The following NRG1 variants were observed in gnomAD, a reference collection of about 807,000 sequenced individuals.
NRG1 encodes the protein pro-neuregulin-1, membrane-bound isoform.
A neutral mutation model predicts 63.8 loss-of-function variants in NRG1; 18 were observed. The observed-to-expected ratio is 0.28, with a 90% CI of 0.19 to 0.42. The LOEUF (loss-of-function observed/expected upper bound fraction) is 0.42, where lower values mean the gene tolerates loss of function less well. Among genes scored for constraint, NRG1 ranks in the 10% least tolerant of loss-of-function variants. The pLI is 1.00. For missense variants in NRG1, 762 were observed against 814.7 expected (o/e 0.94, Z 0.79); for synonymous variants, 302 against 301.3 (o/e 1.00, Z -0.02).
At chr8:32,687,016 G>C (rs886388707) in intron 5 of NRG1, among the ~76,000 whole-genome samples, 1 of 152,150 alleles carries the variant, frequency 6.6e-6, no homozygotes, top group African/African-American at 2.4e-5. Flanking sequence ...TCATAATCTT[G>C]TTCCTGAATG....
At chr8:31,962,387 A>C (rs1805605299) in intron 1 of NRG1, among the ~76,000 whole-genome samples, 1 of 152,178 alleles carries the variant, frequency 6.6e-6, no homozygotes, top group Non-Finnish European at 1.5e-5. Flanking sequence ...TCTATTTAAT[A>C]ACAGGAGTTA....
At chr8:32,238,637 T>C (rs768663687) in intron 1 of NRG1, among the ~76,000 whole-genome samples, 4 of 152,128 alleles carry the variant, frequency 2.6e-5, no homozygotes, top group Non-Finnish European at 4.4e-5. Flanking sequence ...GATAGGTTGC[T>C]TCTGGGTCTA....
chr8:32,496,589 CAAAAT>C (rs10674633), intron 1 of NRG1, among the ~76,000 whole-genome samples: 1 of 149,536 alleles, frequency 6.7e-6, no homozygotes, highest in East Asian at 2.0e-4. Context: ...GACCCTGTCT[CAAAAT>C]AAAATAAAAT....
chr8:32,311,430 G>A (rs972520280), intron 1 of NRG1, among the ~76,000 whole-genome samples: 3 of 152,096 alleles, frequency 2.0e-5, no homozygotes, highest in Admixed American at 6.5e-5. Context: ...GCAAGAAGGA[G>A]TCTATGAGGA....
chr8:32,132,580 C>G (rs979789228), intron 1 of NRG1, among the ~76,000 whole-genome samples: 3 of 148,938 alleles, frequency 2.0e-5, no homozygotes, highest in Non-Finnish European at 4.6e-5. Context: ...CTTTTTCTTT[C>G]CTATTTGCTA....
chr8:32,638,478 A>G (rs1346651689), intron 5 of NRG1, among the ~76,000 whole-genome samples: 1 of 152,198 alleles, frequency 6.6e-6, no homozygotes, highest in African/African-American at 2.4e-5. Context: ...AAGAAAAGAC[A>G]CAAGTCTATT....
intron 1 of NRG1, among the ~76,000 whole-genome samples, chr8:32,527,978 C>A (rs1831048231): frequency 6.6e-6 from 1 of 152,212 alleles, no homozygotes; most frequent in Non-Finnish European, 1.5e-5. Context: ...TCTTGCCTCC[C>A]CTTGACTGGT....
intron 1 of NRG1, among the ~76,000 whole-genome samples, chr8:31,704,153 A>C (rs1030616780): frequency 1.3e-5 from 2 of 152,358 alleles, no homozygotes; most frequent in South Asian, 4.1e-4. Context: ...AGGTCTAGTC[A>C]GATGGTCAGA....
intron 1 of NRG1, among the ~76,000 whole-genome samples, chr8:32,022,711 A>G (rs1816645182): frequency 6.6e-6 from 1 of 152,202 alleles, no homozygotes; most frequent in Non-Finnish European, 1.5e-5. Context: ...TTAGATAAAA[A>G]ATAATTGTAG....
intron 1 of NRG1, among the ~76,000 whole-genome samples, chr8:32,231,279 A>G (rs545798245): frequency 6.6e-6 from 1 of 152,246 alleles, no homozygotes; most frequent in Admixed American, 6.5e-5. Flanking sequence ...AAATTTATCA[A>G]ATTTGTGTGC....
intron 1 of NRG1, among the ~76,000 whole-genome samples, chr8:32,412,518 G>A (rs921559196): frequency 2.1e-5 from 3 of 139,918 alleles, no homozygotes; most frequent in Non-Finnish European, 3.1e-5. Flanking sequence ...GGAGAACCCT[G>A]ACTAATATAC....
At chr8:31,685,380 C>T (rs1288620832) in intron 1 of NRG1, among the ~76,000 whole-genome samples, 2 of 152,088 alleles carry the variant, frequency 1.3e-5, no homozygotes, top group Non-Finnish European at 2.9e-5. Context: ...AATGAAACGA[C>T]ATTTGGGGAC....
At chr8:32,322,897 A>C (rs1376378331) in intron 1 of NRG1, among the ~76,000 whole-genome samples, 2 of 150,008 alleles carry the variant, frequency 1.3e-5, no homozygotes, top group African/African-American at 4.9e-5. Context: ...AAAGCGGATT[A>C]ATATATACTC....
intron 9 of NRG1, among the ~76,000 whole-genome samples, chr8:32,757,419 A>G (rs887829455): frequency 6.6e-6 from 1 of 152,088 alleles, no homozygotes; most frequent in African/African-American, 2.4e-5. Flanking sequence ...ACCATTTTCT[A>G]TCCTATAGAA....
At chr8:31,791,488 C>T (rs868847325) in intron 1 of NRG1, among the ~76,000 whole-genome samples, 4 of 152,150 alleles carry the variant, frequency 2.6e-5, no homozygotes, top group African/African-American at 7.2e-5. Flanking sequence ...TCAAGATAAA[C>T]GTTCAATATT....
At chr8:32,356,070 A>T (rs939752249) in intron 1 of NRG1, among the ~76,000 whole-genome samples, 1 of 152,146 alleles carries the variant, frequency 6.6e-6, no homozygotes, top group Non-Finnish European at 1.5e-5. Context: ...ACTCACCAGG[A>T]GGACAGAGGA....
At chr8:31,878,612 G>T (rs1045123344) in intron 1 of NRG1, among the ~76,000 whole-genome samples, 4 of 152,208 alleles carry the variant, frequency 2.6e-5, no homozygotes, top group African/African-American at 9.6e-5. Flanking sequence ...AGGAGTCTGA[G>T]TATGGTTTAG....
intron 1 of NRG1, among the ~76,000 whole-genome samples, chr8:31,966,327 T>G (rs78540566): frequency 0.018 from 2,785 of 152,308 alleles, 80 homozygotes; most frequent in African/African-American, 0.061. Flanking sequence ...AGACTTGCTT[T>G]TGCATTCTGG....
At chr8:31,887,267 G>C (rs1388882609) in intron 1 of NRG1, among the ~76,000 whole-genome samples, 1 of 152,042 alleles carries the variant, frequency 6.6e-6, no homozygotes. Context: ...ACATACATAA[G>C]AGAAAAGGCA....
Sources: allele counts gnomAD v4.1 joint callset (sites outside exome capture counted in the v4.1 genomes callset), GRCh38; gene constraint gnomAD v4.1.1; transcripts MANE v1.5; gene names NCBI Gene and HGNC (gene_info 2026-07-23, HGNC 2026-07-21).